The following FOCAD variants were observed in gnomAD, a reference collection of about 807,000 sequenced individuals.
The protein encoded by FOCAD is focadhesin, also known as KIAA1797.
In FOCAD, 198 loss-of-function variants were observed where a neutral mutation model predicts 225.6. That is an observed-to-expected ratio of 0.88 (90% CI 0.78 to 0.99). FOCAD has a LOEUF of 0.99. FOCAD is among the 50% of genes least tolerant of loss of function. The pLI is 0.00. For synonymous variants in FOCAD, 897 were observed against 755.0 expected, an observed-to-expected ratio of 1.19 and a Z score of -3.08; for missense variants, 2,713 against 2,123.6, an observed-to-expected ratio of 1.28 and a Z score of -5.46.
At chr9:20,715,230 G>T in intron 1 of FOCAD, 92 bp from the exon 2 acceptor site, 1 of 491,742 alleles carries the variant, frequency 2.0e-6, no homozygotes, top group South Asian at 6.2e-5. Context: ...CTTTGGAATG[G>T]ATTACATTCA....
chr9:20,866,990 C>G lies in FOCAD; in HGVS notation c.2168C>G (p.Thr723Ser). Residue 723 changes from threonine (T) to serine (S), a missense_variant, in exon 18 of 44, where the codon ACC becomes AGC. Transcript: ENST00000338382. ...GCCAACTTTAGTGCAGGAGAACACACCATTCTTCATCTGCCTGAAAAGGTA... is the reference window on the plus strand; with the variant it reads ...GCCAACTTTAGTGCAGGAGAACACAGCATTCTTCATCTGCCTGAAAAGGTA... ...SLANFSAGEH[T>S]ILHLPEKIRP... 1 of 1,495,284 alleles carries G rather than the reference C, an allele frequency of 6.7e-7. No homozygotes were observed. 92.6% of individuals were successfully genotyped at this position (1,495,284 alleles called of 1,614,324 possible).
At chr9:20,698,664 G>A (rs2131386258) in intron 1 of FOCAD, among the ~76,000 whole-genome samples, 1 of 152,220 alleles carries the variant, frequency 6.6e-6, no homozygotes, top group East Asian at 1.9e-4. Context: ...GTGAGCCACT[G>A]CGCCCGGCTT....
At chr9:20,684,714 A>T (rs1822554480) in intron 1 of FOCAD, 2 of 152,332 alleles carry the variant, frequency 1.3e-5, no homozygotes. Context: ...GGGGCAGAGC[A>T]GGAGATTCTG....
intron 41 of FOCAD, 69 bp from the exon 42 acceptor site, chr9:20,990,054 G>A: frequency 6.3e-7 from 1 of 1,580,586 alleles, no homozygotes; most frequent in Non-Finnish European, 8.7e-7. Context: ...CAGGGGCTGT[G>A]TATGTGAACA....
intron 5 of FOCAD, among the ~76,000 whole-genome samples, chr9:20,746,389 G>A (rs533148590): frequency 1.1e-4 from 17 of 152,184 alleles, no homozygotes; most frequent in Non-Finnish European, 2.1e-4. Flanking sequence ...AAGTAGGCAC[G>A]GGCTAGAATA....
chr9:20,780,553 T>G (rs1195242321), intron 9 of FOCAD, among the ~76,000 whole-genome samples: 3 of 152,196 alleles, frequency 2.0e-5, no homozygotes, highest in African/African-American at 7.2e-5. Flanking sequence ...AAGGAAGAAC[T>G]GTGGGGAAAG....
chr9:20,780,085 G>A (rs924350118), intron 9 of FOCAD, among the ~76,000 whole-genome samples: 1 of 152,078 alleles, frequency 6.6e-6, no homozygotes, highest in Non-Finnish European at 1.5e-5. Context: ...GCTTTATTGA[G>A]GTGTAATTTA....
chr9:20,926,156 C>A, intron 25 of FOCAD, 145 bp from the exon 26 acceptor site: 1 of 587,472 alleles, frequency 1.7e-6, no homozygotes, highest in Non-Finnish European at 3.0e-6. Context: ...CTCATACGTG[C>A]ATGCTTATAG....
At chr9:20,873,243 A>G (rs964411897) in intron 18 of FOCAD, among the ~76,000 whole-genome samples, 2 of 152,106 alleles carry the variant, frequency 1.3e-5, no homozygotes, top group South Asian at 2.1e-4. Context: ...CCACGTTACT[A>G]TGATGTGTAA....
chr9:20,674,285 C>T (rs1038989515), intron 2 of FOCAD, among the ~76,000 whole-genome samples: 4 of 152,000 alleles, frequency 2.6e-5, no homozygotes, highest in African/African-American at 9.7e-5. Context: ...ATGCTATTGT[C>T]TCTATGGTGG....
Position 20,866,917 on chromosome 9 carries a change from T to TTTTTTTTTTTTTTTTAAAAAA in FOCAD, c.2107-12_2107-11insTTTTTTTTTTTTTTTAAAAAA. 2.6e-6 allele frequency: 2 copies of TTTTTTTTTTTTTTTTAAAAAA among 764,972 alleles called. No individual in the cohort carries two copies. Among genetic ancestry groups the TTTTTTTTTTTTTTTTAAAAAA allele is most frequent in the Non-Finnish European group, 4.0e-6 (2 of 498,468 alleles). 47.4% of individuals were successfully genotyped at this position (764,972 alleles called of 1,614,324 possible). A position where few individuals can be genotyped will look rare whatever the true frequency, so the allele number is the denominator to read the frequency against. On this transcript the variant is annotated splice_polypyrimidine_tract_variant and intron_variant, in intron 17 of 43. Coordinates refer to ENST00000338382, the MANE Select transcript of FOCAD (RefSeq NM_001375567.1). ...TTTTTTTTTTTTTTTTTTTTTTTTT[T>TTTTTTTTTTTTTTTTAAAAAA]ACCCTATCTAGGACCCAATTGTAGC... is the stretch of plus-strand genomic sequence containing the variant.
Position 20,781,824 on chromosome 9 carries a change from G to A in FOCAD, c.1092G>A (p.Leu364=). 6.2e-7 allele frequency: 1 copy of A among 1,614,028 alleles called. No homozygotes were observed. The highest frequency in any genetic ancestry group is 8.5e-7 in the Non-Finnish European group (1 of 1,179,928). ...PILQILSSTA[L]EDCISVDEEG... ...TGCAGATACTATCTTCTACTGCCTTGGAAGACTGTATATCTGTGGATGAAG... is the reference window on the plus strand; with the variant it reads ...TGCAGATACTATCTTCTACTGCCTTAGAAGACTGTATATCTGTGGATGAAG... The change falls in exon 10 of 44, where the codon TTG becomes TTA. Residue 364 remains leucine, a synonymous_variant. Coordinates refer to ENST00000338382, the MANE Select transcript of FOCAD (RefSeq NM_001375567.1).
At chr9:20,853,719 T>C (rs73416748) in intron 15 of FOCAD, among the ~76,000 whole-genome samples, 1,617 of 151,866 alleles carry the variant, frequency 0.011, 32 homozygotes, top group African/African-American at 0.037. Context: ...GGTACCTCAA[T>C]ATCTATATCT....
intron 30 of FOCAD, 89 bp from the exon 31 acceptor site, chr9:20,948,182 A>G (rs2132350314): frequency 2.4e-6 from 3 of 1,236,568 alleles, no homozygotes; most frequent in Middle Eastern, 4.3e-4. Flanking sequence ...AGTTAGCACT[A>G]AAAGTGTTTA....
At chr9:20,674,464 A>T (rs1482007711) in intron 2 of FOCAD, among the ~76,000 whole-genome samples, 2 of 152,128 alleles carry the variant, frequency 1.3e-5, no homozygotes, top group Non-Finnish European at 2.9e-5. Context: ...TCAGCGCACC[A>T]CTGGACAATT....
At chr9:20,835,248 C>T (rs1182291653) in intron 15 of FOCAD, among the ~76,000 whole-genome samples, 1 of 151,924 alleles carries the variant, frequency 6.6e-6, no homozygotes, top group Non-Finnish European at 1.5e-5. Flanking sequence ...GCATTACGTC[C>T]TGTATTAAAC....
At chr9:20,971,736 AT>A (rs2132546037) in intron 35 of FOCAD, among the ~76,000 whole-genome samples, 1 of 152,274 alleles carries the variant, frequency 6.6e-6, no homozygotes, top group South Asian at 2.1e-4. Context: ...AACTCTAGCC[AT>A]TAAACAATAA....
chr9:20,960,920 A>G (rs1838652822), intron 35 of FOCAD, among the ~76,000 whole-genome samples: 1 of 152,146 alleles, frequency 6.6e-6, no homozygotes, highest in Non-Finnish European at 1.5e-5. Context: ...AAAGGACATG[A>G]ACTCATCCTT....
intron 34 of FOCAD, among the ~76,000 whole-genome samples, chr9:20,952,150 A>G (rs955090364): frequency 2.6e-5 from 4 of 152,186 alleles, no homozygotes; most frequent in Non-Finnish European, 5.9e-5. Flanking sequence ...TCCTGGTAAG[A>G]TAGGATATTT....
Sources: gnomAD v4.1 joint callset for allele counts (sites outside exome capture counted in the v4.1 genomes callset) on GRCh38, gnomAD v4.1.1 for gene constraint, MANE v1.5 for transcripts, NCBI Gene and HGNC (gene_info 2026-07-23, HGNC 2026-07-21) for gene names.